The following TMEM117 variants were observed in gnomAD, a reference collection of about 807,000 sequenced individuals.
The protein encoded by TMEM117 is transmembrane protein 117.
Under a neutral mutation model 52.4 loss-of-function variants are expected in TMEM117, and 27 were observed. The observed-to-expected ratio is 0.51, with a 90% CI of 0.38 to 0.71. TMEM117 has a LOEUF of 0.71. Among genes scored for constraint, TMEM117 ranks in the 30% least tolerant of loss-of-function variants. The probability of loss-of-function intolerance (pLI) is 0.00; values close to 1 mark genes in which losing one functional copy is unlikely to be tolerated. For synonymous variants in TMEM117, 215 were observed against 206.3 expected, an observed-to-expected ratio of 1.04 and a Z score of -0.36; for missense variants, 556 against 630.5, an observed-to-expected ratio of 0.88 and a Z score of 1.26.
At chr12:44,203,317 C>T (rs1949522183) in intron 4 of TMEM117, among the ~76,000 whole-genome samples, 1 of 152,052 alleles carries the variant, frequency 6.6e-6, no homozygotes, top group Non-Finnish European at 1.5e-5. Flanking sequence ...TCCCTTTTGT[C>T]ATTTCTAATT....
intron 6 of TMEM117, among the ~76,000 whole-genome samples, chr12:44,374,052 G>A (rs964310036): frequency 3.3e-5 from 5 of 151,992 alleles, no homozygotes; most frequent in Admixed American, 6.6e-5. Context: ...AAAGTGCTGG[G>A]ATTACCAGGG....
chr12:44,388,807 C>T lies in TMEM117; in HGVS notation c.*135C>T, dbSNP rs1952133131. 1.1e-6 allele frequency: 1 copy of T among 933,634 alleles called. No homozygotes were observed. Among genetic ancestry groups the T allele is most frequent in the Admixed American group, 2.7e-5 (1 of 36,714 alleles). 57.8% of individuals were successfully genotyped at this position (933,634 alleles called of 1,614,324 possible). The stretch of plus-strand genomic sequence containing the variant: ...TGAACAATGCCACAACGGTGCTCAA[C>T]ATGCTTTTTCTAGGATTCATTGTTT... On this transcript the variant is annotated 3_prime_UTR_variant, in exon 8 of 8. Coordinates refer to ENST00000266534, the MANE Select transcript of TMEM117 (RefSeq NM_032256.3).
chr12:44,073,722 G>A (rs910536443), intron 3 of TMEM117: 1 of 152,204 alleles, frequency 6.6e-6, no homozygotes, highest in Non-Finnish European at 1.5e-5. Flanking sequence ...AGCCAGTCTC[G>A]AAGATATGGT....
At chr12:43,803,561 T>C in the TMEM117 span, among the ~76,000 whole-genome samples, 3 of 152,260 alleles carry the variant, frequency 2.0e-5, no homozygotes, top group Admixed American at 6.5e-5. Flanking sequence ...ACTTAGGAAG[T>C]AGTGCCATTT....
intron 3 of TMEM117, among the ~76,000 whole-genome samples, chr12:44,005,880 A>G (rs1368778776): frequency 1.3e-5 from 2 of 152,118 alleles, no homozygotes; most frequent in Non-Finnish European, 1.5e-5. Context: ...CCTGTACAAG[A>G]TCTCTCTTTT....
intron 3 of TMEM117, among the ~76,000 whole-genome samples, chr12:44,111,880 T>A (rs1419793039): frequency 1.0e-5 from 1 of 99,448 alleles, no homozygotes; most frequent in Non-Finnish European, 1.9e-5. Flanking sequence ...GCTTTATGAA[T>A]CTGGGTGCTC....
intron 5 of TMEM117, among the ~76,000 whole-genome samples, chr12:44,266,874 T>C (rs1950384495): frequency 6.6e-6 from 1 of 152,162 alleles, no homozygotes; most frequent in Non-Finnish European, 1.5e-5. Flanking sequence ...GATTATTCTT[T>C]TCCCCATTGT....
chr12:44,261,949 G>T (rs1950325580), intron 5 of TMEM117, among the ~76,000 whole-genome samples: 1 of 152,114 alleles, frequency 6.6e-6, no homozygotes, highest in Non-Finnish European at 1.5e-5. Context: ...AATGACTTTT[G>T]TTCAAAGGTG....
At chr12:43,930,867 A>G (rs1336701285) in intron 2 of TMEM117, among the ~76,000 whole-genome samples, 1 of 152,172 alleles carries the variant, frequency 6.6e-6, no homozygotes, top group Non-Finnish European at 1.5e-5. Flanking sequence ...GCCTCATTGC[A>G]GGAAGGAGGA....
intron 4 of TMEM117, among the ~76,000 whole-genome samples, chr12:44,193,501 A>G (rs1949381524): frequency 6.6e-6 from 1 of 152,322 alleles, no homozygotes; most frequent in Admixed American, 6.5e-5. Flanking sequence ...TTTTTCACTC[A>G]TGTGAAACAA....
chr12:43,965,622 C>G (rs1945471546), intron 3 of TMEM117, among the ~76,000 whole-genome samples: 1 of 152,172 alleles, frequency 6.6e-6, no homozygotes, highest in African/African-American at 2.4e-5. Context: ...CCAAATGTAT[C>G]TGTTCGAATT....
At chr12:43,870,289 C>T in intron 2 of TMEM117, among the ~76,000 whole-genome samples, 1 of 147,008 alleles carries the variant, frequency 6.8e-6, no homozygotes. Flanking sequence ...GAGATGGAGT[C>T]TAGGCCTGTC....
chr12:43,850,113 C>T (rs1290645920), intron 2 of TMEM117, among the ~76,000 whole-genome samples: 1 of 152,070 alleles, frequency 6.6e-6, no homozygotes, highest in Non-Finnish European at 1.5e-5. Flanking sequence ...TCACAGGAAA[C>T]AACATTTAAT....
chr12:44,187,479 A>G (rs1274445479), intron 4 of TMEM117, among the ~76,000 whole-genome samples: 1 of 152,140 alleles, frequency 6.6e-6, no homozygotes, highest in Non-Finnish European at 1.5e-5. Flanking sequence ...AGTCCCTGGG[A>G]CAACAGCTAT....
At position 44,196,760 on chromosome 12, in the gene TMEM117, T is replaced by G. The variant is rs896678367; in HGVS notation, c.511-14530T>G. 3.9e-5 allele frequency among the ~76,000 whole-genome samples: 6 copies of G among 152,228 alleles called. No homozygotes were observed. In the East Asian group the frequency reaches 1.2e-3, roughly 29 times the overall value. On this transcript the variant is annotated intron_variant, in intron 4 of 7. Transcript: ENST00000266534. ...CTGAAACACTCATTCCATAACATTATAATTATATCTGCTTTCAAGCAACAA... is the reference window on the plus strand; with the variant it reads ...CTGAAACACTCATTCCATAACATTAGAATTATATCTGCTTTCAAGCAACAA...
chr12:43,916,690 G>A lies in TMEM117; in HGVS notation c.278-27520G>A, dbSNP rs185810785. Among the ~76,000 whole-genome samples the A allele has an allele frequency of 1.5e-4, 23 of 152,270 alleles. No individual in the cohort carries two copies. The East Asian group carries it at 2.3e-3, about 15-fold the overall frequency. ...GAGTTGTTACATTACTGTTGCTGGA[G>A]TATGAAACTGATGAGTCCTGATGGT... On this transcript the variant is annotated intron_variant, in intron 2 of 7. Coordinates refer to ENST00000266534, the MANE Select transcript of TMEM117 (RefSeq NM_032256.3).
At chr12:44,184,276 A>G (rs567920647) in intron 4 of TMEM117, among the ~76,000 whole-genome samples, 2 of 152,216 alleles carry the variant, frequency 1.3e-5, no homozygotes, top group East Asian at 1.9e-4. Flanking sequence ...AACCTGGGAG[A>G]TGGAGGCTGC....
intron 2 of TMEM117, among the ~76,000 whole-genome samples, chr12:43,885,104 A>G (rs536467890): frequency 2.0e-5 from 3 of 152,294 alleles, no homozygotes; most frequent in Non-Finnish European, 1.5e-5. Flanking sequence ...CGAGACACCT[A>G]TCCCATCCCA....
intron 2 of TMEM117, among the ~76,000 whole-genome samples, chr12:43,928,785 C>T (rs1293818770): frequency 2.8e-5 from 4 of 145,304 alleles, no homozygotes; most frequent in Non-Finnish European, 6.0e-5. Flanking sequence ...TGATGTTCCC[C>T]TTCCTGTGTC....
Sources: allele counts gnomAD v4.1 joint callset (sites outside exome capture counted in the v4.1 genomes callset), GRCh38; gene constraint gnomAD v4.1.1; transcripts MANE v1.5; gene names NCBI Gene and HGNC (gene_info 2026-07-23, HGNC 2026-07-21).